The following DOCK8 variants were observed in gnomAD, a reference collection of about 807,000 sequenced individuals.
DOCK8 encodes the protein dedicator of cytokinesis protein 8.
A neutral mutation model predicts 245.6 loss-of-function variants in DOCK8; 141 were observed. The ratio of observed to expected loss-of-function variants is 0.57; its 90% confidence interval spans 0.50 to 0.66. The LOEUF (loss-of-function observed/expected upper bound fraction) is 0.66. DOCK8 is among the 30% of genes least tolerant of loss of function. The pLI is 0.00. For synonymous variants in DOCK8, 1,168 were observed against 970.2 expected, an observed-to-expected ratio of 1.20 and a Z score of -3.79; for missense variants, 2,965 against 2,603.4, an observed-to-expected ratio of 1.14 and a Z score of -3.02.
At chr9:441,490 T>A in intron 41 of DOCK8, 73 bp downstream of exon 41, 1 of 1,604,670 alleles carries the variant, frequency 6.2e-7, no homozygotes, top group East Asian at 2.2e-5. Flanking sequence ...TGCTTAGCCA[T>A]CCTTCCTCTC....
At chr9:358,665 A>G (rs2131087804) in intron 14 of DOCK8, among the ~76,000 whole-genome samples, 2 of 55,740 alleles carry the variant, frequency 3.6e-5, no homozygotes, top group Non-Finnish European at 1.2e-4. Flanking sequence ...CCTGGCCAAC[A>G]TGGTGAAACC....
At chr9:462,479 T>C (rs2131973657) in intron 46 of DOCK8, among the ~76,000 whole-genome samples, 1 of 152,364 alleles carries the variant, frequency 6.6e-6, no homozygotes, top group Non-Finnish European at 1.5e-5. Context: ...GGGATAGCTT[T>C]TCAAGGCTCT....
chr9:371,393 A>G (rs1403570587), intron 16 of DOCK8, 35 bp from the exon 17 acceptor site: 1 of 1,613,748 alleles, frequency 6.2e-7, no homozygotes, highest in Non-Finnish European at 8.5e-7. Context: ...CATTCTTGCT[A>G]AAAGTTATTT....
chr9:458,448 A>C (rs2057708280), intron 46 of DOCK8: 1 of 152,212 alleles, frequency 6.6e-6, no homozygotes. Flanking sequence ...GAAAGAATGG[A>C]TATTGAGAAA....
intron 11 of DOCK8, among the ~76,000 whole-genome samples, chr9:335,707 C>G (rs1049684856): frequency 6.6e-6 from 1 of 152,084 alleles, no homozygotes; most frequent in African/African-American, 2.4e-5. Flanking sequence ...TCAATCATCT[C>G]TAGGTCAAGG....
intron 25 of DOCK8, among the ~76,000 whole-genome samples, chr9:397,461 G>T (rs187884908): frequency 6.6e-6 from 1 of 151,708 alleles, no homozygotes; most frequent in Non-Finnish European, 1.5e-5. Flanking sequence ...GGCAAGGGTG[G>T]TCAGATCACT....
At chr9:383,719 A>G (rs1350499231) in intron 22 of DOCK8, among the ~76,000 whole-genome samples, 1 of 151,792 alleles carries the variant, frequency 6.6e-6, no homozygotes, top group Non-Finnish European at 1.5e-5. Context: ...AAAAAAAAAA[A>G]AAAAAATCCC....
At position 289,592 on chromosome 9, in the gene DOCK8, T is replaced by A. The variant is rs770457793; in HGVS notation, c.404+11T>A. The A allele has an allele frequency of 1.9e-6, 3 of 1,594,824 alleles. No homozygotes were observed. The highest frequency in any genetic ancestry group is 2.8e-5 in the African/African-American group (2 of 72,404). Reference sequence around the variant, plus strand: ...AATCGTGAACCGGAAGTAAGTTACTTTTTTTCCACTTTTTGTATATAAATA... The same window carrying A: ...AATCGTGAACCGGAAGTAAGTTACTATTTTTCCACTTTTTGTATATAAATA... On this transcript the variant is annotated intron_variant, in intron 4 of 47. Transcript: ENST00000432829.
intron 2 of DOCK8, chr9:272,907 C>A: frequency 3.0e-6 from 1 of 335,696 alleles, no homozygotes; most frequent in Non-Finnish European, 4.2e-6. Context: ...GTACTCACTT[C>A]CTCACACAGC....
At chr9:314,784 GT>G (rs2050272723) in intron 6 of DOCK8, among the ~76,000 whole-genome samples, 1 of 149,972 alleles carries the variant, frequency 6.7e-6, no homozygotes, top group Non-Finnish European at 1.5e-5. Flanking sequence ...ACAAATGCTG[GT>G]TTTTTCGATG....
Position 464,211 on chromosome 9 carries a change from G to A in DOCK8, c.6292G>A (p.Gly2098Ser). The change falls in exon 48 of 48, where the codon GGC (glycine) becomes AGC (serine). Residue 2098 changes from glycine to serine, a missense_variant. This residue lies in a region of DOCK8 where 134 missense variants were observed against 128.1 expected (regional missense o/e 1.05). Transcript: ENST00000432829. The part of the protein sequence containing the change: ...FRKCETQLSQ[G>S]S The stretch of plus-strand genomic sequence containing the variant: ...GAAATGTGAAACCCAGTTGTCACAG[G>A]GCAGCTAAGAAAAGCCATCTTCATT... The A allele has an allele frequency of 1.2e-6, 2 of 1,613,800 alleles. No individual in the cohort carries two copies. The highest frequency in any genetic ancestry group is 1.7e-6 in the Non-Finnish European group (2 of 1,179,742).
chr9:319,975 A>G (rs913273727), intron 7 of DOCK8, among the ~76,000 whole-genome samples: 16 of 152,378 alleles, frequency 1.1e-4, no homozygotes, highest in African/African-American at 3.4e-4. Flanking sequence ...AGGACCTTCC[A>G]TAACAATCTC....
intron 4 of DOCK8, among the ~76,000 whole-genome samples, chr9:303,893 G>T (rs545420020): frequency 1.3e-5 from 2 of 152,328 alleles, no homozygotes; most frequent in East Asian, 3.9e-4. Context: ...GTTTTCCAAA[G>T]ATGTCTTTGA....
chr9:436,196 C>G (rs566319366), intron 39 of DOCK8, among the ~76,000 whole-genome samples: 1 of 152,294 alleles, frequency 6.6e-6, no homozygotes, highest in African/African-American at 2.4e-5. Context: ...TTCTTATGGT[C>G]CTCAAGAACA....
At chr9:221,138 A>G (rs1409623465) in intron 1 of DOCK8, among the ~76,000 whole-genome samples, 1 of 152,210 alleles carries the variant, frequency 6.6e-6, no homozygotes, top group Admixed American at 6.5e-5. Flanking sequence ...ATGTCGATGC[A>G]GCATTTCTGG....
chr9:453,002 A>G (rs2057516031), intron 46 of DOCK8: 1 of 152,256 alleles, frequency 6.6e-6, no homozygotes, highest in Non-Finnish European at 1.5e-5. Flanking sequence ...TTTCTATTCA[A>G]AACCTTAGAG....
In DOCK8 at chr9:371,552, C is replaced by G. The variant is rs2053286176; in HGVS notation, c.1993C>G (p.Leu665Val). 6.2e-7 allele frequency: 1 copy of G among 1,614,078 alleles called. No individual in the cohort carries two copies. The highest frequency in any genetic ancestry group is 8.5e-7 in the Non-Finnish European group (1 of 1,180,026). The stretch of plus-strand genomic sequence containing the variant: ...GAAGCAAGGAGCCTCCGTGGAAACT[C>G]TCCTGGGATATTCAGTGAGTTGTTT... ...QQKQGASVET[L>V]LGYSWLPILL... The change falls in exon 17 of 48, where the codon CTC (leucine) becomes GTC (valine). Residue 665 changes from leucine to valine, a missense_variant. Physicochemically the swap from Leu to Val is conservative, Grantham distance 32 (BLOSUM62 1). Coordinates refer to ENST00000432829, the MANE Select transcript of DOCK8 (RefSeq NM_203447.4).
At chr9:409,733 C>T (rs1175115237) in intron 28 of DOCK8, among the ~76,000 whole-genome samples, 1 of 151,430 alleles carries the variant, frequency 6.6e-6, no homozygotes, top group African/African-American at 2.4e-5. Context: ...CCTCCCCACT[C>T]CCCCCACCCC....
At chr9:274,600 T>C (rs528748256) in intron 2 of DOCK8, among the ~76,000 whole-genome samples, 1 of 151,976 alleles carries the variant, frequency 6.6e-6, no homozygotes, top group African/African-American at 2.4e-5. Context: ...CCTTGAGTCA[T>C]CGTCCCGAAT....
Sources: allele counts gnomAD v4.1 joint callset (sites outside exome capture counted in the v4.1 genomes callset), GRCh38; gene constraint gnomAD v4.1.1; regional missense constraint gnomAD v4.1.1; transcripts MANE v1.5; gene names NCBI Gene and HGNC (gene_info 2026-07-23, HGNC 2026-07-21).